GLI3: variants seen among roughly 807,000 people sequenced by gnomAD.
The protein encoded by GLI3 is transcription activator GLI3.
GLI3 carries 20 observed loss-of-function variants against 100.8 expected under a neutral mutation model. The observed-to-expected ratio is 0.20, with a 90% CI of 0.14 to 0.29. The LOEUF is 0.29. Among genes scored for constraint, GLI3 ranks in the 10% least tolerant of loss-of-function variants. The pLI is 1.00. For synonymous variants in GLI3, 938 were observed against 860.5 expected, an observed-to-expected ratio of 1.09 and a Z score of -1.58; for missense variants, 2,040 against 2,128.5, an observed-to-expected ratio of 0.96 and a Z score of 0.82.
intron 2 of GLI3, among the ~76,000 whole-genome samples, chr7:42,180,706 T>C (rs747750936): frequency 6.6e-6 from 1 of 152,212 alleles, no homozygotes; most frequent in Non-Finnish European, 1.5e-5. Context: ...TTATCTCCTG[T>C]TGGAGTGAAA....
At chr7:42,122,363 C>A (rs958329819) in intron 3 of GLI3, among the ~76,000 whole-genome samples, 1 of 151,948 alleles carries the variant, frequency 6.6e-6, no homozygotes, top group Non-Finnish European at 1.5e-5. Context: ...GTAGGTATAA[C>A]CACAAATTGG....
chr7:42,035,389 C>G (rs2077690509), intron 7 of GLI3, among the ~76,000 whole-genome samples: 1 of 152,176 alleles, frequency 6.6e-6, no homozygotes. Context: ...ATCCACGAAA[C>G]AGAAAGCACA....
At chr7:42,259,883 C>A (rs1055757936) in intron 1 of GLI3, among the ~76,000 whole-genome samples, 5 of 152,220 alleles carry the variant, frequency 3.3e-5, no homozygotes, top group African/African-American at 1.2e-4. Context: ...CTGTGGGCAT[C>A]TATCTTCTAC....
chr7:41,965,184 G>C lies in GLI3; in HGVS notation c.3889C>G (p.Leu1297Val). 10 of 1,613,896 alleles carry C rather than the reference G, an allele frequency of 6.2e-6. No individual in the cohort carries two copies. Among genetic ancestry groups the C allele is most frequent in the Middle Eastern group, 1.6e-4 (1 of 6,062 alleles). ...QGSGGQLNFGLPVAPNESAGS... is the reference protein window; with the variant it reads ...QGSGGQLNFGVPVAPNESAGS... ...GCTGACTCATTTGGCGCTACCGGCA[G>C]GCCGAAATTCAGCTGGCCCCCGCTC... is the stretch of plus-strand genomic sequence containing the variant. Residue 1297 changes from leucine to valine, a missense_variant, in exon 15 of 15, where the codon CTG becomes GTG. Around this residue, in one of 5 missense-constraint regions of GLI3, gnomAD observed 1,041 missense variants for 924.0 expected, o/e 1.13. Transcript: ENST00000395925.
At chr7:42,079,231 C>T (rs1373059050) in intron 3 of GLI3, among the ~76,000 whole-genome samples, 1 of 152,138 alleles carries the variant, frequency 6.6e-6, no homozygotes, top group African/African-American at 2.4e-5. Flanking sequence ...CATAGTTCAG[C>T]CATCTTGACA....
At chr7:42,036,706 G>A (rs1206106119) in intron 7 of GLI3, among the ~76,000 whole-genome samples, 1 of 152,142 alleles carries the variant, frequency 6.6e-6, no homozygotes, top group Non-Finnish European at 1.5e-5. Context: ...AGCAAATTAG[G>A]TATTAGAAAA....
chr7:42,039,636 G>T (rs753482377), intron 7 of GLI3, among the ~76,000 whole-genome samples: 2 of 152,100 alleles, frequency 1.3e-5, no homozygotes, highest in Non-Finnish European at 2.9e-5. Context: ...CAAGACTTCT[G>T]CCATGACTGG....
chr7:42,021,221 TAA>T (rs1788932797), intron 10 of GLI3, among the ~76,000 whole-genome samples: 2 of 152,338 alleles, frequency 1.3e-5, no homozygotes, highest in South Asian at 2.1e-4. Flanking sequence ...TTCATTTAAT[TAA>T]GTTTATTTAC....
intron 2 of GLI3, among the ~76,000 whole-genome samples, chr7:42,160,092 A>C (rs1374827166): frequency 6.6e-6 from 1 of 152,228 alleles, no homozygotes; most frequent in African/African-American, 2.4e-5. Context: ...AAAGGCAGAT[A>C]GTAAAACTTG....
At chr7:42,072,022 T>G (rs1447031301) in intron 4 of GLI3, among the ~76,000 whole-genome samples, 1 of 152,188 alleles carries the variant, frequency 6.6e-6, no homozygotes, top group African/African-American at 2.4e-5. Flanking sequence ...ACATGAGTGC[T>G]CATTTTCCCT....
At chr7:42,211,300 G>C (rs1403383460) in intron 2 of GLI3, among the ~76,000 whole-genome samples, 5 of 152,024 alleles carry the variant, frequency 3.3e-5, no homozygotes, top group South Asian at 2.1e-4. Context: ...CATACACATG[G>C]TTTTTGCTAA....
chr7:42,155,826 T>C (rs1294853059), intron 2 of GLI3, among the ~76,000 whole-genome samples: 1 of 151,836 alleles, frequency 6.6e-6, no homozygotes, highest in Non-Finnish European at 1.5e-5. Context: ...CCTCCTGTAT[T>C]TTTTTTTTAA....
intron 1 of GLI3, among the ~76,000 whole-genome samples, chr7:42,230,202 T>C (rs940078767): frequency 2.0e-5 from 3 of 152,120 alleles, no homozygotes; most frequent in Non-Finnish European, 4.4e-5. Flanking sequence ...GTATATATGA[T>C]TATTTTTCCA....
intron 3 of GLI3, among the ~76,000 whole-genome samples, chr7:42,142,278 C>T (rs1786587246): frequency 6.6e-6 from 1 of 152,064 alleles, no homozygotes; most frequent in African/African-American, 2.4e-5. Context: ...GCAACAAGGG[C>T]AGGGCCAGCA....
intron 1 of GLI3, among the ~76,000 whole-genome samples, chr7:42,255,228 T>C (rs1308420193): frequency 6.6e-6 from 1 of 152,192 alleles, no homozygotes; most frequent in Admixed American, 6.5e-5. Flanking sequence ...GTATTTTCCT[T>C]AAAAATGATT....
intron 2 of GLI3, among the ~76,000 whole-genome samples, chr7:42,218,515 T>A (rs1289028100): frequency 1.3e-5 from 2 of 149,946 alleles, no homozygotes; most frequent in African/African-American, 4.9e-5. Flanking sequence ...ATGGACAATT[T>A]AAAAGCAAAT....
intron 3 of GLI3, among the ~76,000 whole-genome samples, chr7:42,082,398 C>T (rs148408416): frequency 2.0e-5 from 3 of 152,248 alleles, no homozygotes; most frequent in East Asian, 1.9e-4. Flanking sequence ...ATGGATGACA[C>T]GGCACCAGAA....
intron 2 of GLI3, among the ~76,000 whole-genome samples, chr7:42,211,065 T>C (rs114470697): frequency 0.012 from 1,888 of 152,330 alleles, 38 homozygotes; most frequent in African/African-American, 0.042. Flanking sequence ...CCCTGAGTCA[T>C]CCAGTTTTTT....
At chr7:42,152,949 G>A (rs1472878113) in intron 2 of GLI3, among the ~76,000 whole-genome samples, 2 of 152,154 alleles carry the variant, frequency 1.3e-5, no homozygotes, top group African/African-American at 2.4e-5. Context: ...CCAGCTAGCC[G>A]CTCAGCTCAA....
Sources: gnomAD v4.1 joint callset for allele counts (sites outside exome capture counted in the v4.1 genomes callset) on GRCh38, gnomAD v4.1.1 for gene constraint, gnomAD v4.1.1 regional missense constraint, MANE v1.5 for transcripts, NCBI Gene and HGNC (gene_info 2026-07-23, HGNC 2026-07-21) for gene names.